The following GPATCH2 variants were observed in gnomAD, a reference collection of about 807,000 sequenced individuals.
GPATCH2 encodes G-patch domain containing 2.
A neutral mutation model predicts 58.0 loss-of-function variants in GPATCH2; 51 were observed. The observed-to-expected ratio is 0.88, with a 90% CI of 0.70 to 1.11. GPATCH2 has a LOEUF of 1.11. GPATCH2 is among the 50% of genes most tolerant of loss of function. The pLI, the probability that GPATCH2 is intolerant of heterozygous loss-of-function variation, is 0.00. For synonymous variants in GPATCH2, 222 were observed against 218.5 expected (o/e 1.02, Z -0.14); for missense variants, 625 against 652.2 (o/e 0.96, Z 0.45).
chr1:217,568,807 A>G (rs1245121902), intron 5 of GPATCH2, among the ~76,000 whole-genome samples: 1 of 152,204 alleles, frequency 6.6e-6, no homozygotes, highest in African/African-American at 2.4e-5. Context: ...TATAGGAATG[A>G]TGAGATGGAA....
chr1:217,475,953 A>C (rs145454163), intron 8 of GPATCH2, among the ~76,000 whole-genome samples: 124 of 152,266 alleles, frequency 8.1e-4, no homozygotes, highest in African/African-American at 2.8e-3. Context: ...TTAGATGTGC[A>C]GCAGGTCCAG....
In GPATCH2 at chr1:217,527,623, C is replaced by CAAAAG. The variant is rs1411639543; in HGVS notation, c.1099-12735_1099-12734insCTTTT. Among the ~76,000 whole-genome samples the CAAAAG allele has an allele frequency of 3.7e-4, 57 of 152,116 alleles. 1 individual carries two copies. Among genetic ancestry groups the CAAAAG allele is most frequent in the African/African-American group, 1.4e-3 (57 of 41,466 alleles). On this transcript the variant is annotated intron_variant, in intron 5 of 9. Coordinates refer to ENST00000366935, the MANE Select transcript of GPATCH2 (RefSeq NM_018040.5). ...CAAAACAAAACAAAACAAAACAAAA[C>CAAAAG]CCTCTCTTGTTCGAGCCACCATTAT...
At chr1:217,624,701 T>C (rs1203844133) in intron 1 of GPATCH2, among the ~76,000 whole-genome samples, 1 of 152,234 alleles carries the variant, frequency 6.6e-6, no homozygotes, top group African/African-American at 2.4e-5. Context: ...AATATAGCAC[T>C]TTTCTATACA....
intron 9 of GPATCH2, among the ~76,000 whole-genome samples, chr1:217,448,021 C>A (rs557593812): frequency 6.6e-6 from 1 of 151,832 alleles, no homozygotes; most frequent in Non-Finnish European, 1.5e-5. Flanking sequence ...TCGCTTGAAC[C>A]CTGGAGGTGG....
chr1:217,509,284 T>C (rs1386927298), intron 6 of GPATCH2, among the ~76,000 whole-genome samples: 1 of 152,126 alleles, frequency 6.6e-6, no homozygotes, highest in Admixed American at 6.5e-5. Flanking sequence ...GAAGTTGCAG[T>C]GCACCAAGAT....
chr1:217,604,817 GGA>G (rs1668279684), intron 5 of GPATCH2, among the ~76,000 whole-genome samples: 3 of 152,122 alleles, frequency 2.0e-5, no homozygotes. Context: ...CCTGAGGTTA[GGA>G]GTTCGAGACC....
In GPATCH2 at chr1:217,462,643, A is replaced by T. The variant is rs77229923; in HGVS notation, c.1278-13306T>A. ...CTCATAGGGTAATACTGGAAATTCA[A>T]TGAGTTAAAATACATCATTAACACT... On this transcript the variant is annotated intron_variant, in intron 8 of 9. Coordinates refer to ENST00000366935, the MANE Select transcript of GPATCH2 (RefSeq NM_018040.5). Among the ~76,000 whole-genome samples the T allele has an allele frequency of 5.7e-3, 876 of 152,376 alleles. 8 individuals carry two copies. Among genetic ancestry groups the T allele is most frequent in the African/African-American group, 0.02 (833 of 41,592 alleles).
intron 6 of GPATCH2, among the ~76,000 whole-genome samples, chr1:217,503,752 G>A (rs1039649740): frequency 6.6e-6 from 1 of 151,968 alleles, no homozygotes; most frequent in African/African-American, 2.4e-5. Context: ...AGCCAGGGGA[G>A]TTTCTCAAGT....
intron 6 of GPATCH2, among the ~76,000 whole-genome samples, chr1:217,500,650 T>C (rs1441552366): frequency 6.6e-6 from 1 of 152,066 alleles, no homozygotes; most frequent in Non-Finnish European, 1.5e-5. Flanking sequence ...CTGTTAGAAG[T>C]TTTTAATTTC....
At chr1:217,603,256 A>G (rs1668192513) in intron 5 of GPATCH2, among the ~76,000 whole-genome samples, 1 of 152,070 alleles carries the variant, frequency 6.6e-6, no homozygotes, top group Non-Finnish European at 1.5e-5. Flanking sequence ...GCAAGAACCA[A>G]TATTTTAAAT....
At chr1:217,568,419 A>C (rs1666368576) in intron 5 of GPATCH2, among the ~76,000 whole-genome samples, 1 of 152,194 alleles carries the variant, frequency 6.6e-6, no homozygotes, top group Non-Finnish European at 1.5e-5. Flanking sequence ...CACGGAGCCT[A>C]TATTCCACTG....
rs376394876 is a variant in GPATCH2, at chr1:217,441,205, A to T, written c.1366+8044T>A. Among the ~76,000 whole-genome samples, 5 of 152,290 alleles carry T rather than the reference A, an allele frequency of 3.3e-5. No homozygotes were observed. In the East Asian group the frequency reaches 9.7e-4, roughly 29 times the overall value. ...AGAGGCCTCAGAAATAACGCCACACATCTACAACCATCTGATCTTTGACAA... is the reference window on the plus strand; with the variant it reads ...AGAGGCCTCAGAAATAACGCCACACTTCTACAACCATCTGATCTTTGACAA... On this transcript the variant is annotated intron_variant, in intron 9 of 9. Coordinates refer to ENST00000366935, the MANE Select transcript of GPATCH2 (RefSeq NM_018040.5).
intron 5 of GPATCH2, among the ~76,000 whole-genome samples, chr1:217,594,667 A>G (rs1251201761): frequency 3.9e-5 from 6 of 152,208 alleles, no homozygotes; most frequent in Non-Finnish European, 7.4e-5. Context: ...ATACATATTC[A>G]TATCTTAATT....
In GPATCH2 at chr1:217,458,417, A is replaced by G. The variant is rs535294443; in HGVS notation, c.1278-9080T>C. ...TATTCCACACAAATGATAACTGAAA[A>G]TGGTAGCGGCTGTTTTATGAAATTC... On this transcript the variant is annotated intron_variant, in intron 8 of 9. Coordinates refer to ENST00000366935, the MANE Select transcript of GPATCH2 (RefSeq NM_018040.5). 1.4e-4 allele frequency among the ~76,000 whole-genome samples: 22 copies of G among 152,298 alleles called. No homozygotes were observed. The South Asian group carries it at 4.6e-3, about 32-fold the overall frequency.
intron 5 of GPATCH2, 62 bp from the exon 6 acceptor site, chr1:217,514,951 A>C (rs1571841022): frequency 2.6e-6 from 2 of 766,946 alleles, no homozygotes; most frequent in Non-Finnish European, 4.7e-6. Flanking sequence ...GACCATGGAT[A>C]ATAGTGATAT....
At chr1:217,596,182 G>C (rs971946823) in intron 5 of GPATCH2, among the ~76,000 whole-genome samples, 19 of 152,058 alleles carry the variant, frequency 1.2e-4, no homozygotes, top group Non-Finnish European at 2.5e-4. Flanking sequence ...CAGTTCAAAA[G>C]ATTTAATTTC....
chr1:217,550,603 CAT>C (rs1665304927), intron 5 of GPATCH2, among the ~76,000 whole-genome samples: 1 of 151,856 alleles, frequency 6.6e-6, no homozygotes, highest in Non-Finnish European at 1.5e-5. Flanking sequence ...AAAAAAAAGA[CAT>C]AGCTAATATC....
intron 8 of GPATCH2, among the ~76,000 whole-genome samples, chr1:217,473,204 C>G (rs1384099368): frequency 6.6e-6 from 1 of 151,830 alleles, no homozygotes; most frequent in African/African-American, 2.4e-5. Context: ...GCACAGTGAA[C>G]TTGCTTAATA....
At position 217,584,566 on chromosome 1, in the gene GPATCH2, T is replaced by C. The variant is rs181937142; in HGVS notation, c.1098+25755A>G. On this transcript the variant is annotated intron_variant, in intron 5 of 9. Coordinates refer to ENST00000366935, the MANE Select transcript of GPATCH2 (RefSeq NM_018040.5). Reference sequence around the variant, plus strand: ...AAACAAAATTATTGTTCTAAAGTCCTAGTATTATTTAGAAGAGGTTTAAAT... The same window carrying C: ...AAACAAAATTATTGTTCTAAAGTCCCAGTATTATTTAGAAGAGGTTTAAAT... Among the ~76,000 whole-genome samples the C allele has an allele frequency of 3.6e-4, 54 of 151,810 alleles. 2 individuals carry two copies. Among genetic ancestry groups the C allele is most frequent in the Middle Eastern group, 6.8e-3 (2 of 294 alleles).
Sources: allele counts gnomAD v4.1 joint callset (sites outside exome capture counted in the v4.1 genomes callset), GRCh38; gene constraint gnomAD v4.1.1; transcripts MANE v1.5; gene names NCBI Gene and HGNC (gene_info 2026-07-23, HGNC 2026-07-21).